SLC5A9: variants seen among roughly 807,000 people sequenced by gnomAD.
SLC5A9 encodes solute carrier family 5 member 9, also known as sodium/glucose cotransporter 4.
In SLC5A9, 59 loss-of-function variants were observed where a neutral mutation model predicts 70.9. That is an observed-to-expected ratio of 0.83 (90% CI 0.68 to 1.03). The LOEUF (loss-of-function observed/expected upper bound fraction) is 1.03, where lower values mean the gene tolerates loss of function less well. SLC5A9 is among the 50% of genes least tolerant of loss of function. SLC5A9 has a pLI of 0.00. For synonymous variants in SLC5A9, 340 were observed against 346.5 expected (o/e 0.98, Z 0.21); for missense variants, 832 against 881.1 (o/e 0.94, Z 0.71).
chr1:48,232,752 T>C (rs1389704948), intron 8 of SLC5A9, among the ~76,000 whole-genome samples: 1 of 150,456 alleles, frequency 6.6e-6, no homozygotes, highest in Admixed American at 6.6e-5. Flanking sequence ...CCCCACTGCA[T>C]TCCAGTTTGG....
At chr1:48,229,014 G>A in intron 3 of SLC5A9, 60 bp downstream of exon 3, 2 of 1,613,298 alleles carry the variant, frequency 1.2e-6, no homozygotes, top group Non-Finnish European at 1.7e-6. Flanking sequence ...TCTGTCTCTG[G>A]CATTAGTGCT....
At chr1:48,230,119 C>T (rs1644226238) in intron 4 of SLC5A9, among the ~76,000 whole-genome samples, 1 of 152,214 alleles carries the variant, frequency 6.6e-6, no homozygotes, top group South Asian at 2.1e-4. Context: ...CTAATAAACC[C>T]AAGTATGTAG....
At position 48,235,877 on chromosome 1, in the gene SLC5A9, C is replaced by A; in HGVS notation, c.1290C>A (p.Gly430=). 6.2e-7 allele frequency: 1 copy of A among 1,614,106 alleles called. No homozygotes were observed. Among genetic ancestry groups the A allele is most frequent in the Non-Finnish European group, 8.5e-7 (1 of 1,179,996 alleles). Residue 430 remains glycine (G), a splice_region_variant and synonymous_variant, in exon 10 of 14, where the codon GGC becomes GGA. Coordinates refer to ENST00000438567, the MANE Select transcript of SLC5A9 (RefSeq NM_001011547.3). Reference sequence around the variant, plus strand: ...CAGAGCAGGAGCTGATGGTGGTGGGCAGGTGCGCCGGCCCCTCCTTCCCTC... The same window carrying A: ...CAGAGCAGGAGCTGATGGTGGTGGGAAGGTGCGCCGGCCCCTCCTTCCCTC... The part of the protein sequence containing the change: ...KSTEQELMVV[G]RVFVVFLVVI...
rs1553132215 is a variant in SLC5A9 at position 48,244,878 on chromosome 1, G to GTATGTATATA, written c.1837+2265_1837+2266insGTATATATAT. ...TGTGTGTGTGTATGTATGTGTATGT[G>GTATGTATATA]TATATATATATATATATATATATAT... On this transcript the variant is annotated intron_variant, in intron 13 of 13. Transcript: ENST00000438567. Among the ~76,000 whole-genome samples the GTATGTATATA allele has an allele frequency of 4.5e-3, 131 of 29,402 alleles. 25 individuals carry two copies. The highest frequency in any genetic ancestry group is 0.031 in the Middle Eastern group (1 of 32). 19.3% of individuals were successfully genotyped at this position (29,402 alleles called of 152,430 possible). A position where few individuals can be genotyped will look rare whatever the true frequency, so the allele number is the denominator to read the frequency against.
At chr1:48,247,260 T>TATCA in intron 13 of SLC5A9, 75 bp from the exon 14 acceptor site, 1 of 1,386,770 alleles carries the variant, frequency 7.2e-7, no homozygotes, top group African/African-American at 1.4e-5. Flanking sequence ...CCTACTCTCC[T>TATCA]ATCACTTTCC....
intron 12 of SLC5A9, chr1:48,241,020 A>G (rs1238754505): frequency 6.6e-6 from 1 of 152,206 alleles, no homozygotes; most frequent in Non-Finnish European, 1.5e-5. Context: ...CTTCCATGAA[A>G]TATTTCTCCC....
chr1:48,235,977 T>G (rs764472678), intron 10 of SLC5A9, 98 bp downstream of exon 10: 142 of 1,433,164 alleles, frequency 9.9e-5, no homozygotes, highest in Non-Finnish European at 1.3e-4. Flanking sequence ...GACCCTGGAC[T>G]GGCAGCCAGA....
intron 10 of SLC5A9, 24 bp downstream of exon 10, chr1:48,235,903 C>T: frequency 6.2e-7 from 1 of 1,613,876 alleles, no homozygotes; most frequent in Non-Finnish European, 8.5e-7. Flanking sequence ...TCCTTCCCTC[C>T]TTCCGAAGTG....
intron 12 of SLC5A9, chr1:48,240,633 T>C: frequency 6.6e-6 from 1 of 152,398 alleles, no homozygotes; most frequent in Non-Finnish European, 1.5e-5. Context: ...AATGGGCCCC[T>C]TTTCCTGCCG....
intron 12 of SLC5A9, among the ~76,000 whole-genome samples, chr1:48,240,138 A>C (rs1243146009): frequency 6.6e-6 from 1 of 152,254 alleles, no homozygotes. Flanking sequence ...GGGTGACTTA[A>C]GCAACAGAAT....
intron 8 of SLC5A9, among the ~76,000 whole-genome samples, chr1:48,233,208 A>G (rs903815988): frequency 6.6e-6 from 1 of 151,912 alleles, no homozygotes; most frequent in Non-Finnish European, 1.5e-5. Flanking sequence ...TAAAAATACA[A>G]AAATTAGCCG....
chr1:48,229,538 T>C, intron 4 of SLC5A9, 79 bp downstream of exon 4: 2 of 1,567,782 alleles, frequency 1.3e-6, no homozygotes, highest in Non-Finnish European at 1.7e-6. Context: ...ATGTGCGTGT[T>C]GCTGAGGGGA....
chr1:48,231,750 C>G (rs1470646656), intron 6 of SLC5A9, 125 bp downstream of exon 6: 2 of 1,515,098 alleles, frequency 1.3e-6, no homozygotes, highest in Non-Finnish European at 1.8e-6. Context: ...TGTCCCCTCT[C>G]CAGGCTGCAG....
chr1:48,237,213 A>G (rs1644338697), intron 10 of SLC5A9, among the ~76,000 whole-genome samples: 1 of 151,968 alleles, frequency 6.6e-6, no homozygotes, highest in South Asian at 2.1e-4. Context: ...CCCAAGATCA[A>G]TGCCACAGTA....
chr1:48,229,677 CAAAT>C (rs1644220500), intron 4 of SLC5A9: 2 of 598,202 alleles, frequency 3.3e-6, no homozygotes, highest in African/African-American at 1.8e-5. Context: ...CCCCTACACT[CAAAT>C]AAATCACAAT....
chr1:48,231,911 G>T lies in SLC5A9; in HGVS notation c.692-35G>T, dbSNP rs756827507. ...CTTGCTGAGTGACAGGCTCAGTGGGGTTTCAGGGCTGCTTCACTCACTGTC... is the reference window on the plus strand; with the variant it reads ...CTTGCTGAGTGACAGGCTCAGTGGGTTTTCAGGGCTGCTTCACTCACTGTC... On this transcript the variant is annotated intron_variant, in intron 6 of 13. Coordinates refer to ENST00000438567, the MANE Select transcript of SLC5A9 (RefSeq NM_001011547.3). 3.1e-6 allele frequency: 5 copies of T among 1,613,214 alleles called. No individual in the cohort carries two copies. In the East Asian group the frequency reaches 1.1e-4, roughly 36 times the overall value.
intron 1 of SLC5A9, among the ~76,000 whole-genome samples, chr1:48,224,465 C>T (rs1644115383): frequency 6.6e-6 from 1 of 152,200 alleles, no homozygotes; most frequent in African/African-American, 2.4e-5. Flanking sequence ...TGGCTTCACA[C>T]ACGTGACATC....
chr1:48,245,350 C>T (rs555870872), intron 13 of SLC5A9, among the ~76,000 whole-genome samples: 2 of 152,230 alleles, frequency 1.3e-5, no homozygotes, highest in South Asian at 4.1e-4. Flanking sequence ...ACCTACTCCC[C>T]AGCTGGTCCC....
Position 48,227,433 on chromosome 1 carries a change from T to A in SLC5A9, c.235-1417T>A, listed in dbSNP as rs546619385. On this transcript the variant is annotated intron_variant, in intron 2 of 13. Coordinates refer to ENST00000438567, the MANE Select transcript of SLC5A9 (RefSeq NM_001011547.3). ...GGGCGTGAGTGCATGTGTGTCAGAG[T>A]GTGTGTGTGTGTATGTGTGAGAGAG... is the stretch of plus-strand genomic sequence containing the variant. 3.2e-4 allele frequency among the ~76,000 whole-genome samples: 9 copies of A among 28,504 alleles called. 1 individual carries two copies. Among genetic ancestry groups the A allele is most frequent in the South Asian group, 4.2e-3 (2 of 472 alleles). 18.7% of individuals were successfully genotyped at this position (28,504 alleles called of 152,430 possible). A position where few individuals can be genotyped will look rare whatever the true frequency, so the allele number is the denominator to read the frequency against.
Sources: allele counts gnomAD v4.1 joint callset (sites outside exome capture counted in the v4.1 genomes callset), GRCh38; gene constraint gnomAD v4.1.1; transcripts MANE v1.5; gene names NCBI Gene and HGNC (gene_info 2026-07-23, HGNC 2026-07-21).